PDE1C: variants seen among roughly 807,000 people sequenced by gnomAD.
The protein encoded by PDE1C is dual specificity calcium/calmodulin-dependent 3',5'-cyclic nucleotide phosphodiesterase 1C.
A neutral mutation model predicts 93.1 loss-of-function variants in PDE1C; 62 were observed. That is an observed-to-expected ratio of 0.67 (90% confidence interval 0.54 to 0.82). PDE1C has a LOEUF of 0.82. Ranked by LOEUF, PDE1C falls within the 40% of genes least tolerant of loss-of-function variation. PDE1C has a pLI of 0.00. For synonymous variants in PDE1C, 325 were observed against 310.1 expected, an observed-to-expected ratio of 1.05 and a Z score of -0.50; for missense variants, 742 against 884.6, an observed-to-expected ratio of 0.84 and a Z score of 2.04.
chr7:31,658,385 T>C, the PDE1C span: 4 of 1,497,040 alleles, frequency 2.7e-6, no homozygotes, highest in Non-Finnish European at 3.5e-6. Context: ...GACTCTGGTC[T>C]GTTGTAATTG....
At chr7:32,070,782 G>C, upstream of PDE1C, 1 of 1,008,548 alleles carries the variant, frequency 9.9e-7, no homozygotes, top group Non-Finnish European at 1.2e-6. Flanking sequence ...TAAAGGGTTT[G>C]GAGGTGAAAA....
At chr7:31,709,129 C>G in the PDE1C span, among the ~76,000 whole-genome samples, 1 of 152,216 alleles carries the variant, frequency 6.6e-6, no homozygotes, top group African/African-American at 2.4e-5. Context: ...TGTATGAACA[C>G]AGAGTACACC....
intron 5 of PDE1C, among the ~76,000 whole-genome samples, chr7:31,877,217 C>G (rs973984509): frequency 6.6e-6 from 1 of 152,184 alleles, no homozygotes. Flanking sequence ...GAAGCCAAAT[C>G]AAGTTTAGCA....
At chr7:31,643,892 A>T in the PDE1C span, 19 of 1,613,930 alleles carry the variant, frequency 1.2e-5, no homozygotes, top group Non-Finnish European at 1.4e-5. Context: ...GGTCACCAGG[A>T]AGCCCAGTTC....
the PDE1C span, among the ~76,000 whole-genome samples, chr7:31,684,452 A>G: frequency 6.6e-6 from 1 of 152,226 alleles, no homozygotes; most frequent in Non-Finnish European, 1.5e-5. Flanking sequence ...ATGCTTTGTG[A>G]AAGACTCCAT....
intron 3 of PDE1C, among the ~76,000 whole-genome samples, chr7:32,165,162 C>T (rs1284427453): frequency 6.6e-6 from 1 of 152,196 alleles, no homozygotes; most frequent in African/African-American, 2.4e-5. Flanking sequence ...CCACAAAACC[C>T]ATGTTTGATC....
intron 2 of PDE1C, among the ~76,000 whole-genome samples, chr7:32,029,377 A>T (rs75585224): frequency 0.041 from 6,298 of 152,234 alleles, 154 homozygotes; most frequent in Middle Eastern, 0.082. Context: ...CATCTTGTCA[A>T]AGAAATACCT....
At chr7:32,168,143 A>G (rs1028047151) in intron 3 of PDE1C, among the ~76,000 whole-genome samples, 9 of 152,234 alleles carry the variant, frequency 5.9e-5, no homozygotes, top group South Asian at 2.1e-4. Flanking sequence ...CAATTGCTAA[A>G]GGGTTGGCAT....
At chr7:32,106,645 C>T (rs1385579810) in intron 3 of PDE1C, among the ~76,000 whole-genome samples, 1 of 152,122 alleles carries the variant, frequency 6.6e-6, no homozygotes, top group South Asian at 2.1e-4. Flanking sequence ...AACTCAAAAA[C>T]AACCAGAGAG....
intron 1 of PDE1C, among the ~76,000 whole-genome samples, chr7:32,420,960 C>T (rs1022590893): frequency 1.2e-4 from 18 of 152,230 alleles, no homozygotes; most frequent in Admixed American, 9.8e-4. Flanking sequence ...TCCATGATCT[C>T]ACCTGATCCC....
chr7:32,406,894 A>G (rs1202246836), intron 1 of PDE1C, among the ~76,000 whole-genome samples: 1 of 152,200 alleles, frequency 6.6e-6, no homozygotes, highest in East Asian at 1.9e-4. Context: ...GATGCTTTAC[A>G]TTAAACTCAG....
At chr7:31,643,413 T>C in the PDE1C span, 1 of 1,613,996 alleles carries the variant, frequency 6.2e-7, no homozygotes, top group South Asian at 1.1e-5. Context: ...AGTCAAGGTC[T>C]GGTACTTTGG....
At chr7:31,632,381 G>T in the PDE1C span, among the ~76,000 whole-genome samples, 66 of 152,246 alleles carry the variant, frequency 4.3e-4, no homozygotes, top group South Asian at 1.7e-3. Context: ...CCGGGAGGCA[G>T]AGTTGCAATG....
At chr7:31,722,370 A>G in the PDE1C span, among the ~76,000 whole-genome samples, 1 of 152,252 alleles carries the variant, frequency 6.6e-6, no homozygotes, top group Non-Finnish European at 1.5e-5. Context: ...AGCAACATTT[A>G]TTCAACAAAT....
chr7:31,777,170 T>TA (rs1165338423), intron 16 of PDE1C, among the ~76,000 whole-genome samples: 51 of 151,490 alleles, frequency 3.4e-4, no homozygotes, highest in African/African-American at 1.2e-3. Flanking sequence ...CAATTAGTAT[T>TA]AAAAAAAGAA....
At chr7:32,212,526 A>G (rs1024090489) in intron 1 of PDE1C, among the ~76,000 whole-genome samples, 2 of 152,200 alleles carry the variant, frequency 1.3e-5, no homozygotes, top group African/African-American at 4.8e-5. Context: ...TACAGAACAC[A>G]ATCCAGCTCA....
At chr7:32,095,597 G>C (rs968397504) in intron 3 of PDE1C, among the ~76,000 whole-genome samples, 1 of 152,174 alleles carries the variant, frequency 6.6e-6, no homozygotes, top group Non-Finnish European at 1.5e-5. Flanking sequence ...TATTTCTCCA[G>C]CCCACTTTGG....
chr7:32,227,836 A>G (rs770890681), intron 1 of PDE1C, among the ~76,000 whole-genome samples: 38 of 152,230 alleles, frequency 2.5e-4, no homozygotes, highest in Admixed American at 2.0e-4. Flanking sequence ...CCAGGCAGCC[A>G]TGCTATAAAG....
At chr7:32,221,951 T>A (rs1806900313) in intron 1 of PDE1C, among the ~76,000 whole-genome samples, 1 of 152,018 alleles carries the variant, frequency 6.6e-6, no homozygotes, top group Non-Finnish European at 1.5e-5. Context: ...TCAAAATGTA[T>A]CAGGAGATGC....
Sources: allele counts gnomAD v4.1 joint callset (sites outside exome capture counted in the v4.1 genomes callset), GRCh38; gene constraint gnomAD v4.1.1; transcripts MANE v1.5; gene names NCBI Gene and HGNC (gene_info 2026-07-23, HGNC 2026-07-21).